Variants in GRM3 observed in about 807,000 individuals in gnomAD.
The protein encoded by GRM3 is glutamate metabotropic receptor 3, also known as metabotropic glutamate receptor 3.
Under a neutral mutation model 70.5 loss-of-function variants are expected in GRM3, and 26 were observed. That is an observed-to-expected ratio of 0.37 (90% CI 0.27 to 0.51). The LOEUF (loss-of-function observed/expected upper bound fraction) is 0.51. Among genes scored for constraint, GRM3 ranks in the 20% least tolerant of loss-of-function variants. GRM3 has a pLI of 0.93. For synonymous variants in GRM3, 443 were observed against 434.9 expected (o/e 1.02, Z -0.23); for missense variants, 859 against 1,123.8 (o/e 0.76, Z 3.37).
intron 1 of GRM3, among the ~76,000 whole-genome samples, chr7:86,702,601 T>C (rs538838697): frequency 6.6e-6 from 1 of 152,010 alleles, no homozygotes; most frequent in Admixed American, 6.6e-5. Context: ...CAATTATGAT[T>C]CCATCATTCT....
intron 1 of GRM3, among the ~76,000 whole-genome samples, chr7:86,702,253 C>G (rs902866887): frequency 8.6e-5 from 13 of 151,966 alleles, no homozygotes; most frequent in African/African-American, 2.7e-4. Flanking sequence ...CTCAGTCCTT[C>G]ACTTTACTCC....
At chr7:86,763,862 T>C (rs987329716) in intron 1 of GRM3, among the ~76,000 whole-genome samples, 8 of 152,166 alleles carry the variant, frequency 5.3e-5, no homozygotes, top group Admixed American at 5.2e-4. Flanking sequence ...AAAACAGTGC[T>C]TTGGGGGGTG....
At position 86,765,167 on chromosome 7, in the gene GRM3, C is replaced by T; in HGVS notation, c.22C>T (p.Gln8Ter). The T allele has an allele frequency of 6.3e-7, 1 of 1,586,628 alleles. No homozygotes were observed. The highest frequency in any genetic ancestry group is 8.6e-7 in the Non-Finnish European group (1 of 1,169,564). MKMLTRL[Q>*]VLTLALFSKG... Reference sequence around the variant, plus strand: ...ATTCATGAAGATGTTGACAAGACTGCAAGTTCTTACCTTAGCTTTGTTTTC... The same window carrying T: ...ATTCATGAAGATGTTGACAAGACTGTAAGTTCTTACCTTAGCTTTGTTTTC... Residue 8 changes from glutamine to a stop codon, truncating the protein, a stop_gained, in exon 2 of 6, where the codon CAA (glutamine) becomes TAA (stop). Transcript: ENST00000361669. LOFTEE classifies it high-confidence loss of function.
chr7:86,668,407 T>C (rs1301352800), intron 1 of GRM3, among the ~76,000 whole-genome samples: 2 of 152,116 alleles, frequency 1.3e-5, no homozygotes, highest in African/African-American at 4.8e-5. Context: ...TTCATTCACA[T>C]TGGCTTTAAA....
intron 1 of GRM3, among the ~76,000 whole-genome samples, chr7:86,735,793 A>G (rs1795844205): frequency 6.6e-6 from 1 of 152,228 alleles, no homozygotes; most frequent in Non-Finnish European, 1.5e-5. Context: ...ATTTTACCAT[A>G]AAGACTTCAA....
intron 3 of GRM3, chr7:86,833,067 A>G (rs988193923): frequency 3.2e-5 from 31 of 976,818 alleles, no homozygotes; most frequent in Non-Finnish European, 3.8e-5. Context: ...AGGTGAAGTG[A>G]TGTATTTTTC....
chr7:86,785,297 T>G (rs967967609), intron 2 of GRM3, among the ~76,000 whole-genome samples: 5 of 152,212 alleles, frequency 3.3e-5, no homozygotes, highest in African/African-American at 1.2e-4. Flanking sequence ...ATAATCTGTT[T>G]AGATATTTGT....
At chr7:86,717,996 T>C (rs1032277679) in intron 1 of GRM3, among the ~76,000 whole-genome samples, 1 of 150,212 alleles carries the variant, frequency 6.7e-6, no homozygotes, top group African/African-American at 2.4e-5. Flanking sequence ...GTTCATTTAC[T>C]AGAGGCCTCT....
intron 1 of GRM3, among the ~76,000 whole-genome samples, chr7:86,743,813 T>G (rs1004780070): frequency 6.6e-6 from 1 of 152,070 alleles, no homozygotes; most frequent in African/African-American, 2.4e-5. Flanking sequence ...TCCAAATCTA[T>G]CATGTATACA....
intron 3 of GRM3, among the ~76,000 whole-genome samples, chr7:86,812,211 A>G (rs1797924045): frequency 1.3e-5 from 2 of 151,852 alleles, no homozygotes; most frequent in Non-Finnish European, 2.9e-5. Context: ...ACATATGACT[A>G]TCAGAGAAAA....
intron 1 of GRM3, among the ~76,000 whole-genome samples, chr7:86,697,692 G>A (rs552662106): frequency 6.6e-6 from 1 of 151,648 alleles, no homozygotes; most frequent in Non-Finnish European, 1.5e-5. Context: ...ATTTTGAAAT[G>A]ATTTCCCTAA....
chr7:86,728,636 G>A (rs1795647924), intron 1 of GRM3, among the ~76,000 whole-genome samples: 1 of 152,100 alleles, frequency 6.6e-6, no homozygotes. Context: ...CCTCTTGACA[G>A]GCTTCTGTTT....
At position 86,786,881 on chromosome 7, in the gene GRM3, C is replaced by A. The variant is rs1489297791; in HGVS notation, c.1089C>A (p.Leu363=). 1.3e-5 allele frequency: 21 copies of A among 1,614,122 alleles called. No individual in the cohort carries two copies. The highest frequency in any genetic ancestry group is 1.1e-5 in the Non-Finnish European group (13 of 1,180,058). The change falls in exon 3 of 6, where the codon CTC becomes CTA. Residue 363 remains leucine, a synonymous_variant. Coordinates refer to ENST00000361669, the MANE Select transcript of GRM3 (RefSeq NM_000840.3). This position sits in a 1 kb window ranked among gnomAD's most constrained non-coding sequence, Gnocchi z 6.0. ...GGGAGCAAAAGTTTCAGTGCAGCCT[C>A]CAGAACAAACGCAACCACAGGCGCG... The part of the protein sequence containing the change: ...DFWEQKFQCS[L]QNKRNHRRVC...
intron 1 of GRM3, among the ~76,000 whole-genome samples, chr7:86,665,277 A>G (rs762898294): frequency 6.6e-6 from 1 of 152,036 alleles, no homozygotes; most frequent in Non-Finnish European, 1.5e-5. Flanking sequence ...CCTATCCTGA[A>G]AGTCATATTA....
At chr7:86,767,553 ATATAT>A (rs1562854621) in intron 2 of GRM3, among the ~76,000 whole-genome samples, 2 of 135,282 alleles carry the variant, frequency 1.5e-5, no homozygotes, top group Admixed American at 7.6e-5. Context: ...ATATATATAT[ATATAT>A]AAATGAAGTA....
chr7:86,758,576 A>C (rs1562850877), intron 1 of GRM3, among the ~76,000 whole-genome samples: 1 of 152,154 alleles, frequency 6.6e-6, no homozygotes, highest in Non-Finnish European at 1.5e-5. Flanking sequence ...AGGAAAATAA[A>C]GGTTTACTTT....
chr7:86,779,890 GT>G (rs1796999801), intron 2 of GRM3, among the ~76,000 whole-genome samples: 1 of 152,168 alleles, frequency 6.6e-6, no homozygotes, highest in African/African-American at 2.4e-5. Context: ...TTTAGCAATG[GT>G]TTGTTAGACA....
intron 3 of GRM3, among the ~76,000 whole-genome samples, chr7:86,814,013 A>G (rs1797965468): frequency 6.6e-6 from 1 of 151,768 alleles, no homozygotes; most frequent in Admixed American, 6.6e-5. Context: ...TTTCCAGACT[A>G]GACAGCTTTT....
rs1475076837 is a variant in GRM3 at position 86,675,124 on chromosome 7, A to G, written c.-141+30252A>G. ...ATAAATTAGTATAGCACTAGTTGTT[A>G]TAATAGTACCCCAAATCAAACTTCA... On this transcript the variant is annotated intron_variant, in intron 1 of 5. Transcript: ENST00000361669. Among the ~76,000 whole-genome samples, 4 of 152,110 alleles carry G rather than the reference A, an allele frequency of 2.6e-5. No individual in the cohort carries two copies. In the South Asian group the frequency reaches 6.2e-4, roughly 24 times the overall value.
Sources: gnomAD v4.1 joint callset for allele counts (sites outside exome capture counted in the v4.1 genomes callset) on GRCh38, gnomAD v4.1.1 for gene constraint, Gnocchi (gnomAD v3.1) non-coding constraint, MANE v1.5 for transcripts, NCBI Gene and HGNC (gene_info 2026-07-23, HGNC 2026-07-21) for gene names.